SLCO2A1: variants seen among roughly 807,000 people sequenced by gnomAD.
SLCO2A1 encodes the protein matrin F/G 1.
Under a neutral mutation model 71.7 loss-of-function variants are expected in SLCO2A1, and 60 were observed. The observed-to-expected ratio is 0.84, with a 90% CI of 0.68 to 1.04. SLCO2A1 has a LOEUF of 1.04. Ranked by LOEUF, SLCO2A1 falls within the 50% of genes least tolerant of loss-of-function variation. The probability of loss-of-function intolerance (pLI) is 0.00; values close to 1 mark genes in which losing one functional copy is unlikely to be tolerated. For missense variants in SLCO2A1, 745 were observed against 813.4 expected (o/e 0.92, Z 1.02); for synonymous variants, 308 against 326.7 (o/e 0.94, Z 0.62).
Position 133,973,825 on chromosome 3 carries a change from T to A in SLCO2A1, c.235A>T (p.Ile79Phe). ...SSGLISSLNE[I>F]SNAILIIFVS... ...AAGATGATGAGGATGGCATTGCTGATCTGAGAAGAGAGCAGAAGGGCTGAG... is the reference window on the plus strand; with the variant it reads ...AAGATGATGAGGATGGCATTGCTGAACTGAGAAGAGAGCAGAAGGGCTGAG... Residue 79 changes from isoleucine (I) to phenylalanine (F), a missense_variant and splice_region_variant, in exon 3 of 14, where the codon ATC (isoleucine) becomes TTC (phenylalanine). Physicochemically the swap from Ile to Phe is conservative, Grantham distance 21. Transcript: ENST00000310926. The A allele has an allele frequency of 6.2e-7, 1 of 1,612,400 alleles. No homozygotes were observed. Among genetic ancestry groups the A allele is most frequent in the Non-Finnish European group, 8.5e-7 (1 of 1,179,398 alleles).
At chr3:133,975,579 G>A (rs1934422625) in intron 2 of SLCO2A1, among the ~76,000 whole-genome samples, 1 of 151,360 alleles carries the variant, frequency 6.6e-6, no homozygotes, top group Non-Finnish European at 1.5e-5. Context: ...GGCAAAGGCT[G>A]TCCCAGAGCC....
intron 1 of SLCO2A1, among the ~76,000 whole-genome samples, chr3:134,013,452 C>T (rs930006381): frequency 1.3e-5 from 2 of 152,234 alleles, no homozygotes; most frequent in African/African-American, 4.8e-5. Flanking sequence ...CCTTTGCCCC[C>T]CACCAACAGG....
At chr3:133,960,862 AG>A (rs1396547689) in intron 3 of SLCO2A1, among the ~76,000 whole-genome samples, 5 of 152,102 alleles carry the variant, frequency 3.3e-5, no homozygotes, top group Non-Finnish European at 7.4e-5. Flanking sequence ...CTCTGAACTG[AG>A]AAGAATCGAC....
rs771480419 is a variant in SLCO2A1 at position 133,942,693 on chromosome 3, G to C, written c.1537C>G (p.His513Asp). The change falls in exon 11 of 14, where the codon CAC (histidine) becomes GAC (aspartate). Residue 513 changes from histidine to aspartate, a missense_variant. By Grantham distance (81) the His-to-Asp change is moderately conservative. Transcript: ENST00000310926. ...AGGAAGATGGCCGGGAGCAGGAAGT[G>C]GGCACAGGGGACAGGGCACGATCCT... Reference protein sequence around the residue: ...KTGSCPVPCAHFLLPAIFLIS... With the variant: ...KTGSCPVPCADFLLPAIFLIS... The C allele has an allele frequency of 1.7e-5, 28 of 1,613,978 alleles. No homozygotes were observed. The highest frequency in any genetic ancestry group is 2.2e-5 in the Non-Finnish European group (26 of 1,180,016).
intron 3 of SLCO2A1, 92 bp from the exon 4 acceptor site, chr3:133,955,285 G>A: frequency 8.9e-7 from 1 of 1,120,314 alleles, no homozygotes; most frequent in East Asian, 2.5e-5. Flanking sequence ...AGGCCCCTTG[G>A]GGAAGGACCA....
chr3:134,015,366 T>C (rs1423397919), intron 1 of SLCO2A1, among the ~76,000 whole-genome samples: 1 of 140,974 alleles, frequency 7.1e-6, no homozygotes, highest in Non-Finnish European at 1.5e-5. Flanking sequence ...ATGATCTGAC[T>C]TAAATGCAGA....
At chr3:133,974,983 T>C (rs2108055941) in intron 2 of SLCO2A1, among the ~76,000 whole-genome samples, 2 of 152,316 alleles carry the variant, frequency 1.3e-5, no homozygotes, top group South Asian at 4.1e-4. Context: ...TCCATTTGAC[T>C]CAGTTGACCA....
intron 3 of SLCO2A1, among the ~76,000 whole-genome samples, chr3:133,971,743 C>T (rs1934332981): frequency 1.3e-5 from 2 of 152,210 alleles, no homozygotes; most frequent in Non-Finnish European, 2.9e-5. Flanking sequence ...TAAGGGTGAG[C>T]ATCTATGAAC....
intron 1 of SLCO2A1, 74 bp from the exon 2 acceptor site, chr3:133,979,692 G>T (rs1410501122): frequency 3.3e-6 from 5 of 1,503,466 alleles, no homozygotes; most frequent in East Asian, 2.3e-5. Flanking sequence ...TCTGTTAGGG[G>T]CCCCGGCAGG....
intron 3 of SLCO2A1, among the ~76,000 whole-genome samples, chr3:133,970,896 CT>C (rs548259309): frequency 2.8e-4 from 43 of 152,386 alleles, no homozygotes; most frequent in Admixed American, 1.8e-3. Flanking sequence ...TCTTAGAGCA[CT>C]GAGGTCAAGG....
chr3:133,934,699 G>T lies in SLCO2A1; in HGVS notation c.*14C>A. ...GGTCCACTCTCTGGAGCAGGGCAGT[G>T]GCCCAGGGTGGGGTCAGATGAGGCC... On this transcript the variant is annotated 3_prime_UTR_variant, in exon 14 of 14. Transcript: ENST00000310926. The T allele has an allele frequency of 6.3e-7, 1 of 1,584,680 alleles. No homozygotes were observed.
chr3:133,976,651 C>T (rs781698348), intron 2 of SLCO2A1, among the ~76,000 whole-genome samples: 1 of 151,408 alleles, frequency 6.6e-6, no homozygotes, highest in Non-Finnish European at 1.5e-5. Context: ...CCTCAGTCTC[C>T]TCAGCCCTGG....
chr3:133,950,999 A>G (rs907649080), intron 6 of SLCO2A1: 6 of 595,756 alleles, frequency 1.0e-5, no homozygotes, highest in African/African-American at 9.2e-5. Flanking sequence ...CTAACATGGT[A>G]CGGGAACACA....
chr3:133,950,017 T>A (rs1462567525), intron 6 of SLCO2A1, among the ~76,000 whole-genome samples: 2 of 152,122 alleles, frequency 1.3e-5, no homozygotes, highest in East Asian at 1.9e-4. Flanking sequence ...ATTTTTTTTT[T>A]AGAGATGGGG....
intron 1 of SLCO2A1, among the ~76,000 whole-genome samples, chr3:134,019,447 C>T (rs527866558): frequency 1.3e-5 from 2 of 152,292 alleles, no homozygotes; most frequent in South Asian, 4.1e-4. Context: ...AACTATGCCT[C>T]ACGGAATTGG....
intron 3 of SLCO2A1, among the ~76,000 whole-genome samples, chr3:133,968,258 G>A (rs909969333): frequency 5.4e-5 from 8 of 148,818 alleles, no homozygotes; most frequent in African/African-American, 1.2e-4. Context: ...TCATAGACAC[G>A]CCTCCCTCAC....
chr3:133,988,623 G>T (rs149696515), intron 1 of SLCO2A1, among the ~76,000 whole-genome samples: 6 of 152,340 alleles, frequency 3.9e-5, no homozygotes, highest in African/African-American at 1.4e-4. Context: ...GCCAGAGTTT[G>T]ACTCTTTTTG....
At chr3:133,977,237 T>C (rs1014051759) in intron 2 of SLCO2A1, among the ~76,000 whole-genome samples, 2 of 152,268 alleles carry the variant, frequency 1.3e-5, no homozygotes, top group African/African-American at 4.8e-5. Flanking sequence ...CTTCAAATCA[T>C]GCCCACAGGC....
chr3:134,026,100 C>T (rs1403269159), intron 1 of SLCO2A1, among the ~76,000 whole-genome samples: 1 of 152,072 alleles, frequency 6.6e-6, no homozygotes, highest in Non-Finnish European at 1.5e-5. Context: ...AAGAATCACC[C>T]TGATAATTTC....
Sources: allele counts gnomAD v4.1 joint callset (sites outside exome capture counted in the v4.1 genomes callset), GRCh38; gene constraint gnomAD v4.1.1; transcripts MANE v1.5; gene names NCBI Gene and HGNC (gene_info 2026-07-23, HGNC 2026-07-21).